Variants in UNC13B observed in about 807,000 individuals in gnomAD.
UNC13B encodes protein unc-13 homolog B.
Under a neutral mutation model 211.0 loss-of-function variants are expected in UNC13B, and 144 were observed. That is an observed-to-expected ratio of 0.68 (90% CI 0.60 to 0.78). The LOEUF (loss-of-function observed/expected upper bound fraction) is 0.78. Ranked by LOEUF, UNC13B falls within the 30% of genes least tolerant of loss-of-function variation. The pLI is 0.00. For missense variants in UNC13B, 1,777 were observed against 2,002.0 expected (o/e 0.89, Z 2.14); for synonymous variants, 709 against 725.8 (o/e 0.98, Z 0.37).
chr9:35,255,630 C>T (rs1343148275), intron 6 of UNC13B, among the ~76,000 whole-genome samples: 1 of 152,068 alleles, frequency 6.6e-6, no homozygotes, highest in Non-Finnish European at 1.5e-5. Flanking sequence ...TTGCTATCTT[C>T]TGTTCCTGGG....
At chr9:35,291,183 G>A in intron 7 of UNC13B, 1 of 1,357,398 alleles carries the variant, frequency 7.4e-7, no homozygotes. Flanking sequence ...TGTGAAGCTG[G>A]ATATTCATGC....
intron 22 of UNC13B, 118 bp downstream of exon 22, chr9:35,384,432 A>G: frequency 6.8e-7 from 1 of 1,472,856 alleles, no homozygotes; most frequent in Non-Finnish European, 9.0e-7. Context: ...GTGTCATCAC[A>G]TCCACCCAAA....
intron 1 of UNC13B, among the ~76,000 whole-genome samples, chr9:35,186,892 C>A (rs981690989): frequency 6.6e-6 from 1 of 152,134 alleles, no homozygotes; most frequent in Non-Finnish European, 1.5e-5. Flanking sequence ...ATAAAAATTT[C>A]TTCCCTTTAT....
intron 1 of UNC13B, among the ~76,000 whole-genome samples, chr9:35,182,919 A>G (rs965512018): frequency 2.7e-4 from 41 of 150,942 alleles, no homozygotes; most frequent in African/African-American, 9.0e-4. Flanking sequence ...TTTTCCCCAC[A>G]TTTCCCCCTT....
chr9:35,202,114 G>A (rs1823338345), intron 1 of UNC13B, among the ~76,000 whole-genome samples: 1 of 152,186 alleles, frequency 6.6e-6, no homozygotes, highest in Non-Finnish European at 1.5e-5. Flanking sequence ...TCATTCAGGA[G>A]CAGGTTGTTG....
At chr9:35,317,483 T>C (rs1289339933) in intron 11 of UNC13B, among the ~76,000 whole-genome samples, 1 of 151,428 alleles carries the variant, frequency 6.6e-6, no homozygotes, top group Non-Finnish European at 1.5e-5. Context: ...AGTGCTGGGA[T>C]TATAGGCGTG....
intron 1 of UNC13B, among the ~76,000 whole-genome samples, chr9:35,207,285 A>C (rs2131401987): frequency 6.6e-6 from 1 of 151,358 alleles, no homozygotes; most frequent in African/African-American, 2.4e-5. Context: ...TTTGACATGG[A>C]GTCTTATTCT....
intron 1 of UNC13B, among the ~76,000 whole-genome samples, chr9:35,184,036 TGGCG>T (rs1822181473): frequency 9.4e-6 from 1 of 106,590 alleles, no homozygotes. Flanking sequence ...TTCCCGGACG[TGGCG>T]GTCAGGCAGA....
At chr9:35,391,353 C>T (rs2132314870) in intron 26 of UNC13B, among the ~76,000 whole-genome samples, 1 of 152,278 alleles carries the variant, frequency 6.6e-6, no homozygotes, top group South Asian at 2.1e-4. Context: ...CGTTTCCTGC[C>T]ATTTTATGTG....
At chr9:35,391,995 T>G (rs1835564717) in intron 26 of UNC13B, among the ~76,000 whole-genome samples, 1 of 152,216 alleles carries the variant, frequency 6.6e-6, no homozygotes, top group Non-Finnish European at 1.5e-5. Flanking sequence ...AAACTTCTAC[T>G]TTAAGAGAAA....
At chr9:35,243,232 T>A (rs1323498243) in intron 5 of UNC13B, 59 bp from the exon 6 acceptor site, 6 of 1,536,636 alleles carry the variant, frequency 3.9e-6, no homozygotes, top group Non-Finnish European at 5.4e-6. Context: ...TGTTATCTGC[T>A]GATGATTTAT....
intron 11 of UNC13B, among the ~76,000 whole-genome samples, chr9:35,341,161 A>T (rs76765447): frequency 0.01 from 1,583 of 152,288 alleles, 33 homozygotes; most frequent in African/African-American, 0.036. Context: ...TTCGTTCCTA[A>T]TTCTGGATTC....
chr9:35,329,596 T>G (rs1564140248), intron 11 of UNC13B, among the ~76,000 whole-genome samples: 2 of 151,846 alleles, frequency 1.3e-5, no homozygotes, highest in Non-Finnish European at 2.9e-5. Context: ...CAAGTGGTCC[T>G]CCCATCCCAG....
chr9:35,379,403 C>T (rs143167298), intron 17 of UNC13B, among the ~76,000 whole-genome samples: 1 of 151,958 alleles, frequency 6.6e-6, no homozygotes, highest in East Asian at 1.9e-4. Context: ...GCACCAAGAT[C>T]ATGCCACTGT....
Position 35,397,169 on chromosome 9 carries a change from C to G in UNC13B, c.11535C>G (p.Phe3845Leu), listed in dbSNP as rs41276043. The G allele has an allele frequency of 9.8e-3, 15,785 of 1,613,972 alleles. 116 individuals are homozygous for G. Among genetic ancestry groups the G allele is most frequent in the Middle Eastern group, 0.023 (138 of 6,056 alleles). The change falls in exon 29 of 40, where the codon TTC becomes TTG. Residue 3845 changes from phenylalanine (F) to leucine (L), a missense_variant and splice_region_variant. By Grantham distance (22) the Phe-to-Leu change is conservative. Transcript: ENST00000635942. Reference protein sequence around the residue: ...GALERDKKDGFQQTSEHALFS... With the variant: ...GALERDKKDGLQQTSEHALFS... ...ACCCTGTGTGTGGTCTTCCTTAGTT[C>G]CAGCAGACATCAGAGCATGCACTCT...
chr9:35,207,571 G>A (rs2131403479), intron 1 of UNC13B, among the ~76,000 whole-genome samples: 1 of 151,882 alleles, frequency 6.6e-6, no homozygotes, highest in African/African-American at 2.4e-5. Flanking sequence ...CTGGGCCCAA[G>A]TGATCCTCCC....
intron 37 of UNC13B, among the ~76,000 whole-genome samples, chr9:35,402,324 C>T (rs1367472962): frequency 2.0e-5 from 3 of 151,034 alleles, no homozygotes; most frequent in South Asian, 2.1e-4. Flanking sequence ...CTCTGTCGCC[C>T]AGGCTGGAGT....
At chr9:35,315,499 G>A (rs1830404296) in intron 11 of UNC13B, among the ~76,000 whole-genome samples, 1 of 152,054 alleles carries the variant, frequency 6.6e-6, no homozygotes, top group Admixed American at 6.6e-5. Flanking sequence ...CCTCCATTAT[G>A]ATCAATCTTT....
At chr9:35,401,110 C>T (rs1449128789) in intron 37 of UNC13B, among the ~76,000 whole-genome samples, 8 of 152,162 alleles carry the variant, frequency 5.3e-5, no homozygotes, top group African/African-American at 7.2e-5. Context: ...GAAATTCTGA[C>T]GCTGGAGCAG....
Sources: gnomAD v4.1 joint callset for allele counts (sites outside exome capture counted in the v4.1 genomes callset) on GRCh38, gnomAD v4.1.1 for gene constraint, MANE v1.5 for transcripts, NCBI Gene and HGNC (gene_info 2026-07-23, HGNC 2026-07-21) for gene names.